Variants in OR13A1 observed in about 807,000 individuals in gnomAD.
The protein encoded by OR13A1 is olfactory receptor 13A1.
OR13A1 carries 10 observed loss-of-function variants against 7.5 expected under a neutral mutation model. The ratio of observed to expected loss-of-function variants is 1.34; its 90% CI spans 0.83 to 2.27. OR13A1 has a LOEUF of 2.27. Among genes scored for constraint, OR13A1 ranks in the 30% most tolerant of loss-of-function variants. The probability of loss-of-function intolerance (pLI) is 0.00; values close to 1 mark genes in which losing one functional copy is unlikely to be tolerated. For missense variants in OR13A1, 509 were observed against 419.1 expected, an observed-to-expected ratio of 1.21 and a Z score of -1.87; for synonymous variants, 238 against 177.9, an observed-to-expected ratio of 1.34 and a Z score of -2.69.
Position 45,303,860 on chromosome 10 carries a change from C to A in OR13A1, c.563G>T (p.Gly188Val). 6.2e-7 allele frequency: 1 copy of A among 1,612,756 alleles called. No homozygotes were observed. The highest frequency in any genetic ancestry group is 8.5e-7 in the Non-Finnish European group (1 of 1,180,034). The stretch of plus-strand genomic sequence containing the variant: ...GAAGAAATGGATAATGACATTGGGG[C>A]CACAGAAATCCAAGCGCAGCATCAG... ...TGLMLRLDFCGPNVIIHFFCE... is the reference protein window; with the variant it reads ...TGLMLRLDFCVPNVIIHFFCE... Residue 188 changes from glycine (G) to valine (V), a missense_variant, in exon 4 of 4, where the codon GGC becomes GTC. Transcript: ENST00000553795.
intron 1 of OR13A1, among the ~76,000 whole-genome samples, chr10:45,312,352 A>G (rs1390034017): frequency 1.3e-5 from 2 of 152,106 alleles, no homozygotes; most frequent in Non-Finnish European, 2.9e-5. Flanking sequence ...CAGGCAGAGT[A>G]AAAAGGCACA....
chr10:45,314,233 C>G (rs1287598482), intron 1 of OR13A1, among the ~76,000 whole-genome samples: 1 of 151,668 alleles, frequency 6.6e-6, no homozygotes, highest in Admixed American at 6.6e-5. Flanking sequence ...TACAATGTAC[C>G]AAAATGTGTA....
At chr10:45,307,213 A>C (rs935800714) in intron 3 of OR13A1, among the ~76,000 whole-genome samples, 4 of 152,254 alleles carry the variant, frequency 2.6e-5, no homozygotes, top group Non-Finnish European at 5.9e-5. Flanking sequence ...CCTACCAAGC[A>C]GCAGTGTGCA....
At chr10:45,305,818 G>A (rs1228585291) in intron 3 of OR13A1, among the ~76,000 whole-genome samples, 1 of 152,064 alleles carries the variant, frequency 6.6e-6, no homozygotes, top group Non-Finnish European at 1.5e-5. Context: ...TCCCTTCCCT[G>A]GGGAGAAAGT....
intron 1 of OR13A1, among the ~76,000 whole-genome samples, chr10:45,309,051 A>G (rs947852821): frequency 6.6e-6 from 1 of 152,202 alleles, no homozygotes; most frequent in African/African-American, 2.4e-5. Context: ...TGGGGTTCAC[A>G]GAAAGGCCAA....
rs200779601 is a variant in OR13A1 at position 45,304,438 on chromosome 10, G to C, written c.-12-4C>G. 1 of 1,602,394 alleles carries C rather than the reference G, an allele frequency of 6.2e-7. No individual in the cohort carries two copies. The highest frequency in any genetic ancestry group is 1.7e-5 in the Admixed American group (1 of 59,356). On this transcript the variant is annotated splice_region_variant and splice_polypyrimidine_tract_variant and intron_variant, in intron 3 of 3. Transcript: ENST00000553795. The stretch of plus-strand genomic sequence containing the variant: ...ACAGCTTCATGTGATTTCAGAGCTA[G>C]AGAGATAAACAAGAGGTGTCCTGAG...
chr10:45,312,815 T>A (rs1402553444), intron 1 of OR13A1, among the ~76,000 whole-genome samples: 1 of 152,066 alleles, frequency 6.6e-6, no homozygotes, highest in Admixed American at 6.6e-5. Flanking sequence ...AAATATTATA[T>A]CCAGCAAAAC....
At chr10:45,306,280 C>T (rs1262348953) in intron 3 of OR13A1, among the ~76,000 whole-genome samples, 2 of 152,038 alleles carry the variant, frequency 1.3e-5, no homozygotes, top group East Asian at 3.9e-4. Context: ...CGGTGAAACC[C>T]CGTCTCTACT....
At chr10:45,305,311 TA>T (rs61138467) in intron 3 of OR13A1, among the ~76,000 whole-genome samples, 170 of 150,872 alleles carry the variant, frequency 1.1e-3, no homozygotes, top group South Asian at 2.1e-3. Context: ...ATCTCATTTT[TA>T]AAAAAAAAAT....
intron 3 of OR13A1, among the ~76,000 whole-genome samples, chr10:45,305,544 G>C (rs11239433): frequency 0.098 from 14,913 of 152,170 alleles, 2,460 homozygotes; most frequent in African/African-American, 0.34. Context: ...GTATCACACA[G>C]AATCCTCCTT....
At chr10:45,309,827 T>C (rs1287297436) in intron 1 of OR13A1, among the ~76,000 whole-genome samples, 1 of 152,246 alleles carries the variant, frequency 6.6e-6, no homozygotes. Context: ...TAAGCAGCAC[T>C]AAACTAAACA....
intron 1 of OR13A1, among the ~76,000 whole-genome samples, chr10:45,310,213 T>C (rs1246325049): frequency 6.6e-6 from 1 of 152,224 alleles, no homozygotes; most frequent in East Asian, 1.9e-4. Context: ...AGCTAAACTG[T>C]TAACATGAAG....
At position 45,308,034 on chromosome 10, in the gene OR13A1, T is replaced by C. The variant is rs139112898; in HGVS notation, c.-224-226A>G. On this transcript the variant is annotated intron_variant, in intron 1 of 3. Transcript: ENST00000553795. ...AAAATTTAAAAGATTTAATTAATAA[T>C]GGAGAACTTGACTCATTTCATTATT... 3.1e-3 allele frequency among the ~76,000 whole-genome samples: 474 copies of C among 152,338 alleles called. 2 individuals are homozygous for C. Among genetic ancestry groups the C allele is most frequent in the Middle Eastern group, 0.02 (6 of 294 alleles).
intron 1 of OR13A1, among the ~76,000 whole-genome samples, chr10:45,311,741 A>C (rs144669055): frequency 6.8e-6 from 1 of 147,710 alleles, no homozygotes; most frequent in African/African-American, 2.6e-5. Flanking sequence ...TACTAGGCTT[A>C]GTACCTGAGT....
chr10:45,308,855 C>A (rs1301053273), intron 1 of OR13A1: 1 of 152,140 alleles, frequency 6.6e-6, no homozygotes, highest in East Asian at 1.9e-4. Context: ...CAGGACTGTT[C>A]AGGACTGAAC....
At chr10:45,306,540 T>C (rs543603392) in intron 3 of OR13A1, among the ~76,000 whole-genome samples, 1 of 152,334 alleles carries the variant, frequency 6.6e-6, no homozygotes, top group Non-Finnish European at 1.5e-5. Context: ...ATTTGGAAGA[T>C]GTCCATTTTA....
intron 1 of OR13A1, among the ~76,000 whole-genome samples, chr10:45,312,428 G>A (rs747634457): frequency 7.2e-5 from 11 of 151,804 alleles, no homozygotes; most frequent in Non-Finnish European, 1.5e-4. Flanking sequence ...CAAGCAAGAA[G>A]ACAGTAGAGA....
In OR13A1 at chr10:45,304,413, A is replaced by C; in HGVS notation, c.10T>G (p.Trp4Gly). Residue 4 changes from tryptophan to glycine, a missense_variant, in exon 4 of 4, where the codon TGG (tryptophan) becomes GGG (glycine). Trp to Gly is a radical substitution (Grantham distance 184). Coordinates refer to ENST00000553795, the MANE Select transcript of OR13A1 (RefSeq NM_001004297.3). MKLWMESHLIVPET... is the reference protein window; with the variant it reads MKLGMESHLIVPET... Reference sequence around the variant, plus strand: ...GGGACTATCAGGTGACTCTCCATCCACAGCTTCATGTGATTTCAGAGCTAG... The same window carrying C: ...GGGACTATCAGGTGACTCTCCATCCCCAGCTTCATGTGATTTCAGAGCTAG... 6.2e-7 allele frequency: 1 copy of C among 1,612,002 alleles called. No homozygotes were observed. Among genetic ancestry groups the C allele is most frequent in the Non-Finnish European group, 8.5e-7 (1 of 1,179,102 alleles).
In OR13A1 at chr10:45,303,838, G is replaced by T. The variant is rs1428120523; in HGVS notation, c.585C>A (p.Phe195Leu). ...GCAGCAGGGGAGGGACCTCGCAGAA[G>T]AAATGGATAATGACATTGGGGCCAC... is the stretch of plus-strand genomic sequence containing the variant. ...DFCGPNVIIH[F>L]FCEVPPLLLL... Residue 195 changes from phenylalanine to leucine, a missense_variant, in exon 4 of 4, where the codon TTC becomes TTA. Coordinates refer to ENST00000553795, the MANE Select transcript of OR13A1 (RefSeq NM_001004297.3). 1 of 1,612,826 alleles carries T rather than the reference G, an allele frequency of 6.2e-7. No individual in the cohort carries two copies. Among genetic ancestry groups the T allele is most frequent in the Non-Finnish European group, 8.5e-7 (1 of 1,180,046 alleles).
Sources: gnomAD v4.1 joint callset for allele counts (sites outside exome capture counted in the v4.1 genomes callset) on GRCh38, gnomAD v4.1.1 for gene constraint, MANE v1.5 for transcripts, NCBI Gene and HGNC (gene_info 2026-07-23, HGNC 2026-07-21) for gene names.